SLC4A4: variants seen among roughly 807,000 people sequenced by gnomAD.
SLC4A4 encodes solute carrier family 4 member 4.
Under a neutral mutation model 111.5 loss-of-function variants are expected in SLC4A4, and 27 were observed. That is an observed-to-expected ratio of 0.24 (90% CI 0.18 to 0.33). The LOEUF (loss-of-function observed/expected upper bound fraction) is 0.33, where lower values mean the gene tolerates loss of function less well. SLC4A4 is among the 10% of genes least tolerant of loss of function. SLC4A4 has a pLI of 1.00. For synonymous variants in SLC4A4, 443 were observed against 463.4 expected, an observed-to-expected ratio of 0.96 and a Z score of 0.57; for missense variants, 909 against 1,315.5, an observed-to-expected ratio of 0.69 and a Z score of 4.78.
chr4:71,156,834 C>T lies in SLC4A4; in HGVS notation c.-2+64042C>T, dbSNP rs529529792. ...CCTCGTTTCAACAATGCTGAGGTGACGATTCTTTTCTGCTCCAAACTCTTA... is the reference window on the plus strand; with the variant it reads ...CCTCGTTTCAACAATGCTGAGGTGATGATTCTTTTCTGCTCCAAACTCTTA... On this transcript the variant is annotated intron_variant, in intron 2 of 26. Transcript: ENST00000649996. Among the ~76,000 whole-genome samples the T allele has an allele frequency of 7.2e-5, 11 of 152,232 alleles. No individual in the cohort carries two copies. The South Asian group carries it at 2.1e-3, about 29-fold the overall frequency.
At chr4:71,300,914 A>T in intron 3 of SLC4A4, 1 of 523,332 alleles carries the variant, frequency 1.9e-6, no homozygotes, top group Admixed American at 2.0e-5. Context: ...GGTCCATGTC[A>T]CACTGAAGAT....
intron 7 of SLC4A4, among the ~76,000 whole-genome samples, chr4:71,430,107 A>T (rs1467125672): frequency 1.3e-5 from 2 of 152,148 alleles, no homozygotes; most frequent in Non-Finnish European, 2.9e-5. Flanking sequence ...TTAAACTTTG[A>T]CTTAGAGAAG....
At chr4:71,499,277 C>T (rs1373118844) in intron 16 of SLC4A4, among the ~76,000 whole-genome samples, 1 of 152,082 alleles carries the variant, frequency 6.6e-6, no homozygotes, top group African/African-American at 2.4e-5. Flanking sequence ...CTAGTTTCAA[C>T]TTTGAGATGA....
intron 2 of SLC4A4, among the ~76,000 whole-genome samples, chr4:71,168,980 G>A (rs1744862463): frequency 6.6e-6 from 1 of 151,892 alleles, no homozygotes; most frequent in African/African-American, 2.4e-5. Flanking sequence ...CTAGGAGTGG[G>A]ATTGCTGAAT....
intron 3 of SLC4A4, among the ~76,000 whole-genome samples, chr4:71,333,222 G>A (rs1728160756): frequency 6.6e-6 from 1 of 152,164 alleles, no homozygotes; most frequent in Non-Finnish European, 1.5e-5. Flanking sequence ...ATATGATATC[G>A]CTGCAGCCAT....
intron 6 of SLC4A4, among the ~76,000 whole-genome samples, chr4:71,387,380 G>GT (rs992370502): frequency 6.6e-5 from 10 of 151,910 alleles, no homozygotes; most frequent in Admixed American, 4.6e-4. Context: ...TGTAAAAAGT[G>GT]TTTTTTTGTG....
rs755857942 is a variant in SLC4A4 at position 71,269,632 on chromosome 4, A to G, written c.253+14233A>G. 1.2e-4 allele frequency among the ~76,000 whole-genome samples: 19 copies of G among 152,354 alleles called. No individual in the cohort carries two copies. In the Middle Eastern group the frequency reaches 0.014, roughly 109 times the overall value. On this transcript the variant is annotated intron_variant, in intron 3 of 25. Transcript: ENST00000264485. ...GAAATGTGCATGGACTTAAGTGGGA[A>G]CACATAACATTTGTCATGTACTATA...
intron 2 of SLC4A4, among the ~76,000 whole-genome samples, chr4:71,125,305 A>G (rs988022284): frequency 2.0e-5 from 3 of 152,222 alleles, no homozygotes; most frequent in Non-Finnish European, 4.4e-5. Flanking sequence ...GAATGCAACT[A>G]TGACCGGGCC....
chr4:71,300,787 G>A (rs2148839449), intron 3 of SLC4A4: 1 of 363,472 alleles, frequency 2.8e-6, no homozygotes, highest in Non-Finnish European at 5.5e-6. Context: ...GACCCCCGCA[G>A]CCATCTGCAG....
At chr4:71,083,294 TAA>T (rs1578460932) in intron 1 of SLC4A4, among the ~76,000 whole-genome samples, 2 of 151,898 alleles carry the variant, frequency 1.3e-5, no homozygotes, top group East Asian at 3.8e-4. Flanking sequence ...CATTTAAACT[TAA>T]GTTTTTTAGT....
At chr4:71,435,717 AAAAC>A (rs1244256081) in intron 7 of SLC4A4, among the ~76,000 whole-genome samples, 65 of 152,268 alleles carry the variant, frequency 4.3e-4, no homozygotes, top group African/African-American at 1.5e-3. Flanking sequence ...TTACAAGAAA[AAAAC>A]AAACAACCCC....
intron 16 of SLC4A4, among the ~76,000 whole-genome samples, chr4:71,526,018 G>A (rs1733385495): frequency 6.6e-6 from 1 of 151,976 alleles, no homozygotes; most frequent in African/African-American, 2.4e-5. Flanking sequence ...TGTGTATCTA[G>A]TAGACTATGT....
chr4:71,335,338 A>G (rs1274603979), intron 3 of SLC4A4, among the ~76,000 whole-genome samples: 1 of 152,206 alleles, frequency 6.6e-6, no homozygotes, highest in Non-Finnish European at 1.5e-5. Context: ...AAAAGTGACT[A>G]AACTTTTGGT....
chr4:71,142,982 T>C (rs1358968307), intron 2 of SLC4A4, among the ~76,000 whole-genome samples: 1 of 151,954 alleles, frequency 6.6e-6, no homozygotes, highest in Non-Finnish European at 1.5e-5. Flanking sequence ...AGTTTTAGGG[T>C]ACATGTGCAC....
intron 12 of SLC4A4, among the ~76,000 whole-genome samples, chr4:71,463,587 G>A (rs377425104): frequency 2.4e-4 from 37 of 152,270 alleles, no homozygotes; most frequent in Non-Finnish European, 3.5e-4. Context: ...AAAGGATCAA[G>A]TACTGAAATA....
At chr4:71,308,492 C>T (rs539149839) in intron 3 of SLC4A4, among the ~76,000 whole-genome samples, 62 of 152,174 alleles carry the variant, frequency 4.1e-4, no homozygotes, top group African/African-American at 1.3e-3. Flanking sequence ...ATGCAGAAGG[C>T]GGGTGATTGC....
chr4:71,228,951 G>C (rs191844928), intron 1 of SLC4A4, among the ~76,000 whole-genome samples: 1 of 152,202 alleles, frequency 6.6e-6, no homozygotes, highest in African/African-American at 2.4e-5. Flanking sequence ...TTCTCTGTCT[G>C]TATTAAGTTC....
chr4:71,555,941 G>A (rs546352301), intron 21 of SLC4A4, among the ~76,000 whole-genome samples: 5 of 152,004 alleles, frequency 3.3e-5, no homozygotes, highest in African/African-American at 9.6e-5. Flanking sequence ...AATTAAATTG[G>A]CACCAGGAAA....
intron 2 of SLC4A4, among the ~76,000 whole-genome samples, chr4:71,150,170 GCCTTGACAAT>G (rs2148971481): frequency 6.6e-6 from 1 of 152,192 alleles, no homozygotes; most frequent in South Asian, 2.1e-4. Flanking sequence ...TAAATGTTGA[GCCTTGACAAT>G]CCTTGGAGTG....
Sources: allele counts gnomAD v4.1 joint callset (sites outside exome capture counted in the v4.1 genomes callset), GRCh38; gene constraint gnomAD v4.1.1; transcripts MANE v1.5; gene names NCBI Gene and HGNC (gene_info 2026-07-23, HGNC 2026-07-21).